The following MAGI2 variants were observed in gnomAD, a reference collection of about 807,000 sequenced individuals.
MAGI2 encodes membrane associated guanylate kinase, WW and PDZ domain containing 2.
MAGI2 carries 35 observed loss-of-function variants against 133.3 expected under a neutral mutation model. The observed-to-expected ratio is 0.26, with a 90% CI of 0.20 to 0.35. The LOEUF (loss-of-function observed/expected upper bound fraction) is 0.35. MAGI2 is among the 10% of genes least tolerant of loss of function. The pLI, the probability that MAGI2 is intolerant of heterozygous loss-of-function variation, is 1.00. For missense variants in MAGI2, 1,636 were observed against 1,863.4 expected (o/e 0.88, Z 2.25); for synonymous variants, 729 against 710.6 (o/e 1.03, Z -0.41).
At chr7:78,623,890 A>G (rs1808020241) in intron 3 of MAGI2, among the ~76,000 whole-genome samples, 1 of 152,128 alleles carries the variant, frequency 6.6e-6, no homozygotes, top group African/African-American at 2.4e-5. Context: ...AGCCCTTGTA[A>G]TATCATAGTG....
chr7:79,426,883 A>G (rs1847407465), intron 1 of MAGI2, among the ~76,000 whole-genome samples: 1 of 152,104 alleles, frequency 6.6e-6, no homozygotes, highest in Admixed American at 6.5e-5. Flanking sequence ...AAATGACATA[A>G]TTGTACTTTT....
chr7:78,504,870 C>A (rs1410922900), intron 4 of MAGI2, among the ~76,000 whole-genome samples: 1 of 151,996 alleles, frequency 6.6e-6, no homozygotes, highest in African/African-American at 2.4e-5. Context: ...ATCTATTGAC[C>A]TTGAAAGGTG....
intron 2 of MAGI2, among the ~76,000 whole-genome samples, chr7:78,649,958 T>A (rs1811369903): frequency 6.6e-6 from 1 of 152,180 alleles, no homozygotes. Flanking sequence ...TAGATCTTGT[T>A]AAAATGAAGT....
chr7:78,403,662 T>A (rs1343554831), intron 6 of MAGI2, among the ~76,000 whole-genome samples: 2 of 152,076 alleles, frequency 1.3e-5, no homozygotes, highest in Non-Finnish European at 2.9e-5. Flanking sequence ...GCAGCACCTG[T>A]TGTTTCCTGA....
intron 1 of MAGI2, among the ~76,000 whole-genome samples, chr7:79,255,340 G>A (rs907692706): frequency 6.6e-6 from 1 of 152,176 alleles, no homozygotes; most frequent in East Asian, 1.9e-4. Context: ...CATGGGAGTT[G>A]TCAGCTAGAG....
intron 2 of MAGI2, among the ~76,000 whole-genome samples, chr7:78,833,821 C>A (rs372721458): frequency 4.0e-4 from 61 of 152,230 alleles, no homozygotes; most frequent in African/African-American, 1.3e-3. Context: ...TGCTTCCTAT[C>A]CAGTCTGAAA....
intron 3 of MAGI2, among the ~76,000 whole-genome samples, chr7:78,543,185 C>A (rs1447235280): frequency 6.6e-6 from 1 of 152,118 alleles, no homozygotes; most frequent in East Asian, 1.9e-4. Flanking sequence ...CATTATCCAG[C>A]AGCTAAAGAA....
At chr7:79,104,064 T>C (rs1480163552) in intron 1 of MAGI2, among the ~76,000 whole-genome samples, 1 of 152,192 alleles carries the variant, frequency 6.6e-6, no homozygotes, top group African/African-American at 2.4e-5. Context: ...CATCAAGCTG[T>C]GCACTTAAGA....
At chr7:78,642,185 T>C (rs1236275310) in intron 2 of MAGI2, among the ~76,000 whole-genome samples, 1 of 152,210 alleles carries the variant, frequency 6.6e-6, no homozygotes, top group Non-Finnish European at 1.5e-5. Flanking sequence ...TTACTTATCA[T>C]TTATTGGATA....
At chr7:78,306,671 A>G (rs1798266102) in intron 9 of MAGI2, among the ~76,000 whole-genome samples, 1 of 152,192 alleles carries the variant, frequency 6.6e-6, no homozygotes, top group Admixed American at 6.5e-5. Context: ...TTTTGCTGAA[A>G]TAGTAAATGA....
Position 78,019,736 on chromosome 7 carries a change from C to A in MAGI2, c.3947G>T (p.Arg1316Leu). The A allele has an allele frequency of 1.9e-6, 3 of 1,609,448 alleles. No homozygotes were observed. Among genetic ancestry groups the A allele is most frequent in the Non-Finnish European group, 2.5e-6 (3 of 1,179,064 alleles). The change falls in exon 22 of 22, where the codon CGC becomes CTC. Residue 1316 changes from arginine to leucine, a missense_variant. Arg to Leu is a moderately radical substitution (Grantham distance 102). Transcript: ENST00000354212. ...CGCGGCCCTCTGCGGACTCGCCGAGCGCTCCCTCTGCTCCCCGAGGCGCTG... is the reference window on the plus strand; with the variant it reads ...CGCGGCCCTCTGCGGACTCGCCGAGAGCTCCCTCTGCTCCCCGAGGCGCTG... ...KKQRLGEQRE[R>L]SASPQRAARP...
chr7:78,650,613 G>C (rs1015149437), intron 2 of MAGI2, among the ~76,000 whole-genome samples: 2 of 152,046 alleles, frequency 1.3e-5, no homozygotes, highest in African/African-American at 2.4e-5. Context: ...TATAGACAGA[G>C]AAGAAGTTGG....
At chr7:78,989,319 A>G (rs1157730197) in intron 2 of MAGI2, among the ~76,000 whole-genome samples, 1 of 152,076 alleles carries the variant, frequency 6.6e-6, no homozygotes, top group Non-Finnish European at 1.5e-5. Context: ...GATTGTAATT[A>G]CCTGTGATGT....
At chr7:79,252,156 C>CAAAA (rs1208897198) in intron 1 of MAGI2, among the ~76,000 whole-genome samples, 130 of 102,394 alleles carry the variant, frequency 1.3e-3, no homozygotes, top group East Asian at 1.9e-3. Context: ...GACCCTGTCT[C>CAAAA]AAAAAAAAAA....
At chr7:79,025,784 C>T (rs1313450844) in intron 1 of MAGI2, among the ~76,000 whole-genome samples, 2 of 152,032 alleles carry the variant, frequency 1.3e-5, no homozygotes, top group East Asian at 1.9e-4. Flanking sequence ...CCTATACCAA[C>T]GTCAGAGATT....
At chr7:78,542,876 A>T (rs555982866) in intron 3 of MAGI2, among the ~76,000 whole-genome samples, 1 of 152,344 alleles carries the variant, frequency 6.6e-6, no homozygotes, top group Non-Finnish European at 1.5e-5. Context: ...ACGCTGTGGA[A>T]AACAGATTTG....
chr7:78,509,924 G>C (rs1449324981), intron 4 of MAGI2, among the ~76,000 whole-genome samples: 1 of 152,084 alleles, frequency 6.6e-6, no homozygotes, highest in Non-Finnish European at 1.5e-5. Context: ...CCTTTAAACT[G>C]TCATAAAGTT....
intron 9 of MAGI2, among the ~76,000 whole-genome samples, chr7:78,297,952 A>T (rs1797444499): frequency 6.7e-6 from 1 of 149,946 alleles, no homozygotes. Flanking sequence ...AACCTGCACA[A>T]TGTGCACATG....
chr7:79,058,433 A>G (rs538078798), intron 1 of MAGI2, among the ~76,000 whole-genome samples: 50 of 152,286 alleles, frequency 3.3e-4, no homozygotes, highest in Middle Eastern at 6.8e-3. Context: ...ATGGAAGAAC[A>G]TAGATAGTAA....
Sources: gnomAD v4.1 joint callset for allele counts (sites outside exome capture counted in the v4.1 genomes callset) on GRCh38, gnomAD v4.1.1 for gene constraint, MANE v1.5 for transcripts, NCBI Gene and HGNC (gene_info 2026-07-23, HGNC 2026-07-21) for gene names.